The following PWWP2A variants were observed in gnomAD, a reference collection of about 807,000 sequenced individuals.
The protein encoded by PWWP2A is PWWP domain-containing protein 2A.
PWWP2A carries 18 observed loss-of-function variants against 48.5 expected under a neutral mutation model. That is an observed-to-expected ratio of 0.37 (90% CI 0.26 to 0.55). The LOEUF is 0.55. PWWP2A is among the 20% of genes least tolerant of loss of function. PWWP2A has a pLI of 0.81. For missense variants in PWWP2A, 867 were observed against 976.4 expected (o/e 0.89, Z 1.49); for synonymous variants, 396 against 387.7 (o/e 1.02, Z -0.25).
intron 1 of PWWP2A, among the ~76,000 whole-genome samples, chr5:160,110,599 G>A (rs937690421): frequency 6.6e-6 from 1 of 151,752 alleles, no homozygotes; most frequent in Non-Finnish European, 1.5e-5. Context: ...ACAGCTACTC[G>A]GGAGGCTGAG....
intron 2 of PWWP2A, among the ~76,000 whole-genome samples, chr5:160,067,059 T>C (rs1357263823): frequency 6.6e-6 from 1 of 152,060 alleles, no homozygotes; most frequent in Non-Finnish European, 1.5e-5. Flanking sequence ...TTTACTGAAA[T>C]TTTTACAATT....
intron 1 of PWWP2A, among the ~76,000 whole-genome samples, chr5:160,115,402 C>A (rs1322356795): frequency 6.6e-6 from 1 of 151,692 alleles, no homozygotes; most frequent in Non-Finnish European, 1.5e-5. Context: ...ACAAAAGATA[C>A]AAAAACAGGC....
rs1450064603 is a variant in PWWP2A, at chr5:160,077,860, G to C, written c.*295C>G. 8.5e-6 allele frequency: 3 copies of C among 351,224 alleles called. No individual in the cohort carries two copies. Among genetic ancestry groups the C allele is most frequent in the Non-Finnish European group, 1.6e-5 (3 of 190,648 alleles). 21.8% of individuals were successfully genotyped at this position (351,224 alleles called of 1,614,324 possible). A position where few individuals can be genotyped will look rare whatever the true frequency, so the allele number is the denominator to read the frequency against. On this transcript the variant is annotated 3_prime_UTR_variant, in exon 4 of 4. Coordinates refer to the PWWP2A transcript ENST00000456329. The surrounding 1 kb of genome is among the most constrained non-coding windows in gnomAD (Gnocchi z 4.2). ...TCACATTCCAAAGAAGTTACTGTCA[G>C]TGTTTCTTCATATATAAAATTCAAG... is the stretch of plus-strand genomic sequence containing the variant.
At chr5:160,081,520 G>A (rs192820896) in intron 2 of PWWP2A, among the ~76,000 whole-genome samples, 10 of 152,246 alleles carry the variant, frequency 6.6e-5, no homozygotes, top group African/African-American at 1.9e-4. Context: ...GATTATAGGC[G>A]TGAGGCACCA....
chr5:160,109,757 G>GA lies in PWWP2A; in HGVS notation c.584+9047dup, dbSNP rs755988668. Among the ~76,000 whole-genome samples the GA allele has an allele frequency of 2.2e-3, 119 of 53,358 alleles. 1 individual carries two copies. Among genetic ancestry groups the GA allele is most frequent in the African/African-American group, 5.8e-3 (76 of 13,188 alleles). The allele number at this position is 53,358 out of a possible 152,430, so 35.0% of individuals were successfully genotyped here. On this transcript the variant is annotated intron_variant, in intron 1 of 1. Transcript: ENST00000307063. ...AGGAAATGCAAGAGGATGCAACTGG[G>GA]AAAAAAAAAAAAAAAAAATATATAT...
At chr5:160,095,693 T>C (rs1286258416) in intron 1 of PWWP2A, among the ~76,000 whole-genome samples, 2 of 145,794 alleles carry the variant, frequency 1.4e-5, no homozygotes, top group African/African-American at 5.3e-5. Context: ...GTTCTTTTTT[T>C]TTTTTTTTTT....
chr5:160,089,739 C>CCACGA (rs1238612288), downstream of PWWP2A: 6 of 1,220,372 alleles, frequency 4.9e-6, no homozygotes, highest in Non-Finnish European at 6.3e-6. Context: ...TTTGTTTTAG[C>CCACGA]CACGACTCTT....
intron 4 of PWWP2A, among the ~76,000 whole-genome samples, chr5:160,066,296 A>ATTTTTTTTTTTTTTTT (rs59262456): frequency 8.4e-5 from 8 of 94,778 alleles, no homozygotes; most frequent in Non-Finnish European, 1.0e-4. Flanking sequence ...AGTGGTTCTC[A>ATTTTTTTTTTTTTTTT]TTTTTTTTTT....
the PWWP2A span, chr5:160,050,986 T>TA: frequency 6.8e-6 from 4 of 588,568 alleles, no homozygotes; most frequent in Admixed American, 6.6e-5. Flanking sequence ...GGTTTTTTTT[T>TA]TTTATTTAAT....
At chr5:160,110,041 G>GTT (rs1757399730) in intron 1 of PWWP2A, among the ~76,000 whole-genome samples, 1 of 148,128 alleles carries the variant, frequency 6.8e-6, no homozygotes, top group Non-Finnish European at 1.5e-5. Flanking sequence ...CTTTTTTTGA[G>GTT]ATAGAGTCTT....
At chr5:160,116,019 TA>T (rs1758102122) in intron 1 of PWWP2A, among the ~76,000 whole-genome samples, 1 of 152,074 alleles carries the variant, frequency 6.6e-6, no homozygotes. Context: ...AGTCCAATAA[TA>T]ATTCCTTGAA....
chr5:160,049,351 A>G, the PWWP2A span, among the ~76,000 whole-genome samples: 2 of 152,112 alleles, frequency 1.3e-5, no homozygotes, highest in Admixed American at 1.3e-4. Flanking sequence ...AATCTTTACT[A>G]TCTTGCTCTT....
At position 160,103,257 on chromosome 5, in the gene PWWP2A, G is replaced by A. The variant is rs542694717; in HGVS notation, c.585-9192C>T. Among the ~76,000 whole-genome samples the A allele has an allele frequency of 2.5e-4, 38 of 152,264 alleles. 2 individuals are homozygous for A. In the South Asian group the frequency reaches 7.0e-3, roughly 28 times the overall value. On this transcript the variant is annotated intron_variant, in intron 1 of 1. Transcript: ENST00000307063. ...CTAAAAAAGTGTTTTTTAAAAGCATGAATTCAGTTTACTTAGTTCCACCAA... is the reference window on the plus strand; with the variant it reads ...CTAAAAAAGTGTTTTTTAAAAGCATAAATTCAGTTTACTTAGTTCCACCAA...
At chr5:160,065,491 T>C (rs930723627) in intron 4 of PWWP2A, 8 of 440,588 alleles carry the variant, frequency 1.8e-5, no homozygotes, top group Middle Eastern at 6.1e-4. Context: ...CTAACGAGGC[T>C]GCCTCCAGCA....
rs983450563 is a variant in PWWP2A at position 160,118,915 on chromosome 5, C to T, written c.474G>A (p.Pro158=). 2 of 1,602,102 alleles carry T rather than the reference C, an allele frequency of 1.2e-6. No homozygotes were observed. Among genetic ancestry groups the T allele is most frequent in the Middle Eastern group, 1.7e-4 (1 of 6,036 alleles). The change falls in exon 1 of 2, where the codon CCG becomes CCA. Residue 158 remains proline, a synonymous_variant. Transcript: ENST00000307063. ...GGDSTVSQLI[P]GSEVRVTLDH... ...CCAGCGTGACCCGCACCTCCGAGCC[C>T]GGGATCAGTTGCGACACCGTGGAGT...
chr5:160,085,488 C>G (rs1177614445), intron 2 of PWWP2A, among the ~76,000 whole-genome samples: 2 of 148,852 alleles, frequency 1.3e-5, no homozygotes, highest in East Asian at 2.0e-4. Flanking sequence ...TCAGTATAAG[C>G]AAGTAACTGT....
rs574932853 is a variant in PWWP2A, at chr5:160,077,178, C to T, written c.*977G>A. 1 of 152,160 alleles carries T rather than the reference C, an allele frequency of 6.6e-6. No individual in the cohort carries two copies. The highest frequency in any genetic ancestry group is 2.4e-5 in the African/African-American group (1 of 41,440). The allele number at this position is 152,160 out of a possible 1,614,324, so 9.4% of individuals were successfully genotyped here. A position where few individuals can be genotyped will look rare whatever the true frequency, so the allele number is the denominator to read the frequency against. On this transcript the variant is annotated 3_prime_UTR_variant, in exon 4 of 4. Coordinates refer to the PWWP2A transcript ENST00000456329. This position sits in a 1 kb window ranked among gnomAD's most constrained non-coding sequence, Gnocchi z 4.2. ...GGATCCTGTTCCTGCCACTTGTTGTCCCCCAGGGCCAAGTCCTACTGACAC... is the reference window on the plus strand; with the variant it reads ...GGATCCTGTTCCTGCCACTTGTTGTTCCCCAGGGCCAAGTCCTACTGACAC...
intron 2 of PWWP2A, among the ~76,000 whole-genome samples, chr5:160,067,168 G>GTC (rs1439544991): frequency 6.6e-6 from 1 of 152,154 alleles, no homozygotes; most frequent in African/African-American, 2.4e-5. Context: ...AACAGCAAGA[G>GTC]TCTCACATCT....
chr5:160,078,483 CAG>C lies in PWWP2A; in HGVS notation c.1670-317_1670-316del, dbSNP rs886318429. Among the ~76,000 whole-genome samples, 32 of 152,206 alleles carry C rather than the reference CAG, an allele frequency of 2.1e-4. No individual in the cohort carries two copies. The highest frequency in any genetic ancestry group is 9.8e-4 in the Admixed American group (15 of 15,292). ...ATACTTGCTTATAAATGCCTAGTAA[CAG>C]GGGAATTTTAACTTTGTTCCTTATA... On this transcript the variant is annotated intron_variant, in intron 3 of 3. Transcript: ENST00000456329. The surrounding 1 kb of genome is among the most constrained non-coding windows in gnomAD (Gnocchi z 4.2).
Sources: gnomAD v4.1 joint callset for allele counts (sites outside exome capture counted in the v4.1 genomes callset) on GRCh38, gnomAD v4.1.1 for gene constraint, Gnocchi (gnomAD v3.1) non-coding constraint, MANE v1.5 for transcripts, NCBI Gene and HGNC (gene_info 2026-07-23, HGNC 2026-07-21) for gene names.